The following TRAPPC9 variants were observed in gnomAD, a reference collection of about 807,000 sequenced individuals.
TRAPPC9 encodes the protein IKK2 binding protein.
In TRAPPC9, 83 loss-of-function variants were observed where a neutral mutation model predicts 124.0. The observed-to-expected ratio is 0.67, with a 90% CI of 0.56 to 0.80. The LOEUF (loss-of-function observed/expected upper bound fraction) is 0.80. Among genes scored for constraint, TRAPPC9 ranks in the 30% least tolerant of loss-of-function variants. TRAPPC9 has a pLI of 0.00. For synonymous variants in TRAPPC9, 638 were observed against 617.5 expected (o/e 1.03, Z -0.49); for missense variants, 1,302 against 1,508.3 (o/e 0.86, Z 2.27).
intron 19 of TRAPPC9, among the ~76,000 whole-genome samples, chr8:139,968,191 A>G (rs1835834419): frequency 6.6e-6 from 1 of 152,052 alleles, no homozygotes; most frequent in Admixed American, 6.6e-5. Context: ...AAAACAAAAA[A>G]TAAAAAAAAG....
intron 9 of TRAPPC9, among the ~76,000 whole-genome samples, chr8:140,338,989 C>T (rs893436616): frequency 7.2e-6 from 1 of 138,814 alleles, no homozygotes; most frequent in Non-Finnish European, 1.5e-5. Context: ...CGACGGGAAA[C>T]GGCTCAGAGA....
chr8:140,127,945 A>C (rs963596588), intron 17 of TRAPPC9, among the ~76,000 whole-genome samples: 2 of 152,380 alleles, frequency 1.3e-5, no homozygotes, highest in African/African-American at 4.8e-5. Context: ...ACCTGTATTA[A>C]GAAAGTGTAA....
intron 17 of TRAPPC9, among the ~76,000 whole-genome samples, chr8:140,049,295 G>A (rs546134910): frequency 6.6e-6 from 1 of 152,298 alleles, no homozygotes; most frequent in South Asian, 2.1e-4. Context: ...GGCAAGGAGA[G>A]TCATGCCATC....
chr8:139,889,097 TG>T (rs1186734761), intron 20 of TRAPPC9, among the ~76,000 whole-genome samples: 1 of 152,210 alleles, frequency 6.6e-6, no homozygotes, highest in Non-Finnish European at 1.5e-5. Context: ...ATCCGCAAAA[TG>T]GAATGTTATT....
At chr8:139,874,860 G>C (rs947154506) in intron 21 of TRAPPC9, among the ~76,000 whole-genome samples, 1 of 152,156 alleles carries the variant, frequency 6.6e-6, no homozygotes, top group Non-Finnish European at 1.5e-5. Flanking sequence ...CCGTGGGAAA[G>C]ACAAGTCCCA....
chr8:139,913,002 A>G (rs1831850686), intron 19 of TRAPPC9, among the ~76,000 whole-genome samples: 1 of 152,238 alleles, frequency 6.6e-6, no homozygotes, highest in Non-Finnish European at 1.5e-5. Context: ...CTCTCAGTTG[A>G]GTTTGACAAC....
chr8:140,388,337 C>A (rs1212384287), intron 7 of TRAPPC9, among the ~76,000 whole-genome samples: 1 of 150,586 alleles, frequency 6.6e-6, no homozygotes, highest in Non-Finnish European at 1.5e-5. Context: ...CGTAACAAAC[C>A]TGCACGTTGT....
At chr8:139,864,077 G>GC (rs1300293206) in intron 21 of TRAPPC9, among the ~76,000 whole-genome samples, 1 of 152,080 alleles carries the variant, frequency 6.6e-6, no homozygotes, top group Non-Finnish European at 1.5e-5. Flanking sequence ...CCACCACAAA[G>GC]CCCCCCTCCC....
At chr8:140,408,110 T>G (rs1176943536) in intron 5 of TRAPPC9, among the ~76,000 whole-genome samples, 1 of 152,220 alleles carries the variant, frequency 6.6e-6, no homozygotes, top group Non-Finnish European at 1.5e-5. Flanking sequence ...GATTTGATCT[T>G]TCTTGACATC....
intron 21 of TRAPPC9, among the ~76,000 whole-genome samples, chr8:139,777,189 G>T (rs775755736): frequency 1.8e-4 from 28 of 152,220 alleles, no homozygotes; most frequent in Non-Finnish European, 4.0e-4. Context: ...TTCCATTTCA[G>T]CATTTAGCAG....
At chr8:140,248,106 G>A (rs2064031392) in intron 16 of TRAPPC9, among the ~76,000 whole-genome samples, 1 of 152,156 alleles carries the variant, frequency 6.6e-6, no homozygotes, top group African/African-American at 2.4e-5. Context: ...TAGTTTTCAT[G>A]AATGTTTAGG....
intron 6 of TRAPPC9, among the ~76,000 whole-genome samples, chr8:140,400,128 G>A (rs140934024): frequency 1.3e-5 from 2 of 152,302 alleles, no homozygotes. Context: ...ACACAGAACT[G>A]TAAGTCCAAT....
rs557965869 is a variant in TRAPPC9 at position 139,910,476 on chromosome 8, C to G, written c.2811-176G>C. 2.6e-5 allele frequency among the ~76,000 whole-genome samples: 4 copies of G among 152,304 alleles called. No homozygotes were observed. In the South Asian group the frequency reaches 8.3e-4, roughly 32 times the overall value. ...TAGACTCCTAAGGTGGCCCTGACTTCAGAGCTGGTTCAACACACAATTTGG... is the reference window on the plus strand; with the variant it reads ...TAGACTCCTAAGGTGGCCCTGACTTGAGAGCTGGTTCAACACACAATTTGG... On this transcript the variant is annotated intron_variant, in intron 19 of 22. Transcript: ENST00000438773.
At chr8:140,377,408 C>T (rs77780546) in intron 7 of TRAPPC9, among the ~76,000 whole-genome samples, 5,924 of 152,232 alleles carry the variant, frequency 0.039, 254 homozygotes, top group African/African-American at 0.11. Flanking sequence ...AAACAATTCT[C>T]CCGCCTCAGC....
chr8:139,801,417 G>C (rs1416960642), intron 21 of TRAPPC9, among the ~76,000 whole-genome samples: 2 of 152,252 alleles, frequency 1.3e-5, no homozygotes, highest in Non-Finnish European at 2.9e-5. Flanking sequence ...GTGGTGCGTG[G>C]GTGTGGCAGG....
At chr8:140,067,257 C>T (rs1324286811) in intron 17 of TRAPPC9, among the ~76,000 whole-genome samples, 1 of 152,184 alleles carries the variant, frequency 6.6e-6, no homozygotes, top group African/African-American at 2.4e-5. Flanking sequence ...GATTCTCCCG[C>T]CTCAGCTTCC....
intron 17 of TRAPPC9, among the ~76,000 whole-genome samples, chr8:140,220,331 C>G (rs1295283633): frequency 6.6e-6 from 1 of 152,172 alleles, no homozygotes; most frequent in Non-Finnish European, 1.5e-5. Flanking sequence ...CGTGCATGTG[C>G]CGTGCAGTTG....
rs541981982 is a variant in TRAPPC9 at position 139,855,517 on chromosome 8, C to T, written c.3055+30362G>A. 1.5e-3 allele frequency among the ~76,000 whole-genome samples: 222 copies of T among 152,300 alleles called. 2 individuals carry two copies. In the Middle Eastern group the frequency reaches 0.024, roughly 16 times the overall value. On this transcript the variant is annotated intron_variant, in intron 21 of 22. Coordinates refer to ENST00000438773, the MANE Select transcript of TRAPPC9 (RefSeq NM_001160372.4). ...AAAGAAATTCCCAGGCAGCTCACCA[C>T]AGCTGTGCAAGTGCTTACACGACGC...
intron 17 of TRAPPC9, among the ~76,000 whole-genome samples, chr8:140,157,817 T>C (rs557692648): frequency 8.4e-4 from 128 of 152,256 alleles, no homozygotes; most frequent in African/African-American, 3.0e-3. Context: ...GAAATAACCC[T>C]TGTTAACATC....
Sources: gnomAD v4.1 joint callset for allele counts (sites outside exome capture counted in the v4.1 genomes callset) on GRCh38, gnomAD v4.1.1 for gene constraint, MANE v1.5 for transcripts, NCBI Gene and HGNC (gene_info 2026-07-23, HGNC 2026-07-21) for gene names.